The following SYT1 variants were observed in gnomAD, a reference collection of about 807,000 sequenced individuals.
SYT1 encodes synaptotagmin-1.
A neutral mutation model predicts 44.8 loss-of-function variants in SYT1; 8 were observed. That is an observed-to-expected ratio of 0.18 (90% confidence interval 0.10 to 0.32). SYT1 has a LOEUF of 0.32. SYT1 is among the 10% of genes least tolerant of loss of function. SYT1 has a pLI of 1.00. For missense variants in SYT1, 286 were observed against 509.3 expected (o/e 0.56, Z 4.22); for synonymous variants, 154 against 188.8 (o/e 0.82, Z 1.51).
chr12:79,188,528 A>G (rs760067513), intron 3 of SYT1, among the ~76,000 whole-genome samples: 2 of 152,054 alleles, frequency 1.3e-5, no homozygotes, highest in African/African-American at 4.8e-5. Flanking sequence ...TTGCATCCTC[A>G]TGGAGTTGGA....
rs1450628677 is a variant in SYT1, at chr12:79,353,399, T to C, written c.811-103T>C. ...CAATGGACCTACAATTTTCAAATTC[T>C]AATCAACATAATCCTCCTCTTGAAG... is the stretch of plus-strand genomic sequence containing the variant. On this transcript the variant is annotated intron_variant, in intron 8 of 10. Coordinates refer to ENST00000261205, the MANE Select transcript of SYT1 (RefSeq NM_005639.3). 5.6e-6 allele frequency: 5 copies of C among 895,504 alleles called. No homozygotes were observed. The East Asian group carries it at 1.0e-4, about 18-fold the overall frequency. 55.5% of individuals were successfully genotyped at this position (895,504 alleles called of 1,614,324 possible).
chr12:79,060,729 T>C (rs1207851615), intron 3 of SYT1, among the ~76,000 whole-genome samples: 1 of 152,144 alleles, frequency 6.6e-6, no homozygotes, highest in Non-Finnish European at 1.5e-5. Flanking sequence ...TATTGAGTAA[T>C]GGAGTTGTCC....
chr12:78,869,621 A>G (rs1873715877), intron 1 of SYT1, among the ~76,000 whole-genome samples: 1 of 152,022 alleles, frequency 6.6e-6, no homozygotes, highest in Non-Finnish European at 1.5e-5. Context: ...ATTTTAAAAA[A>G]GCAATATTTA....
chr12:79,168,440 T>A (rs1871333356), intron 3 of SYT1, among the ~76,000 whole-genome samples: 1 of 152,082 alleles, frequency 6.6e-6, no homozygotes, highest in Non-Finnish European at 1.5e-5. Flanking sequence ...AAGTGATAGT[T>A]TGATCTGGCA....
intron 8 of SYT1, among the ~76,000 whole-genome samples, chr12:79,308,637 AAAG>A (rs1565901592): frequency 6.6e-6 from 1 of 150,600 alleles, no homozygotes; most frequent in Non-Finnish European, 1.5e-5. Context: ...AGAAAGAAAG[AAAG>A]AAAGAAAGAA....
Position 79,191,841 on chromosome 12 carries a change from A to G in SYT1, c.-17-25662A>G, listed in dbSNP as rs149082542. 6.4e-4 allele frequency among the ~76,000 whole-genome samples: 98 copies of G among 152,212 alleles called. 1 individual carries two copies. The East Asian group carries it at 0.013, about 20-fold the overall frequency. The stretch of plus-strand genomic sequence containing the variant: ...ATATGGGACATATACCTGAATAACC[A>G]CAACTTAAGACACAAAATGGTGACG... On this transcript the variant is annotated intron_variant, in intron 3 of 10. Transcript: ENST00000261205.
intron 8 of SYT1, among the ~76,000 whole-genome samples, chr12:79,345,500 A>C (rs1882569262): frequency 6.6e-6 from 1 of 152,202 alleles, no homozygotes; most frequent in South Asian, 2.1e-4. Context: ...GAACGAATAT[A>C]AACCAATGAG....
At position 79,340,768 on chromosome 12, in the gene SYT1, C is replaced by T. The variant is rs75684701; in HGVS notation, c.811-12734C>T. Among the ~76,000 whole-genome samples, 694 of 152,204 alleles carry T rather than the reference C, an allele frequency of 4.6e-3. 4 individuals are homozygous for T. The highest frequency in any genetic ancestry group is 5.7e-3 in the Non-Finnish European group (391 of 68,004). On this transcript the variant is annotated intron_variant, in intron 8 of 10. Coordinates refer to ENST00000261205, the MANE Select transcript of SYT1 (RefSeq NM_005639.3). ...GTGTTTCATATTGTTTTAAAGGACC[C>T]ATAGAGATCTAAAGCTTTAGCTAAA...
chr12:78,915,071 T>C (rs1478212791), intron 1 of SYT1, among the ~76,000 whole-genome samples: 1 of 141,460 alleles, frequency 7.1e-6, no homozygotes, highest in Non-Finnish European at 1.5e-5. Flanking sequence ...CTATGAGCTA[T>C]TGAACGTTTT....
At chr12:79,094,836 T>C (rs1270741085) in intron 3 of SYT1, among the ~76,000 whole-genome samples, 1 of 151,928 alleles carries the variant, frequency 6.6e-6, no homozygotes, top group Non-Finnish European at 1.5e-5. Flanking sequence ...ATAATTCTCA[T>C]GACCTAAATT....
intron 1 of SYT1, among the ~76,000 whole-genome samples, chr12:78,940,009 T>G (rs1016324122): frequency 2.0e-5 from 3 of 152,178 alleles, no homozygotes; most frequent in Non-Finnish European, 4.4e-5. Context: ...TTCCTTTATT[T>G]AATAAGACTT....
intron 3 of SYT1, among the ~76,000 whole-genome samples, chr12:79,164,031 G>A (rs1871105077): frequency 6.6e-6 from 1 of 151,822 alleles, no homozygotes; most frequent in Admixed American, 6.6e-5. Flanking sequence ...ACAGATAATT[G>A]ACATACATAT....
chr12:78,947,522 T>A (rs1349765859), intron 1 of SYT1, among the ~76,000 whole-genome samples: 4 of 142,586 alleles, frequency 2.8e-5, no homozygotes, highest in South Asian at 2.2e-4. Context: ...TTGAATCTAG[T>A]AAAAAAAAAA....
At chr12:78,958,128 C>T (rs936434225) in intron 1 of SYT1, among the ~76,000 whole-genome samples, 1 of 151,948 alleles carries the variant, frequency 6.6e-6, no homozygotes, top group Non-Finnish European at 1.5e-5. Flanking sequence ...GATTTATCTC[C>T]CTTCTCCAAG....
chr12:79,224,349 A>G (rs1875357382), intron 4 of SYT1, among the ~76,000 whole-genome samples: 1 of 152,234 alleles, frequency 6.6e-6, no homozygotes, highest in Non-Finnish European at 1.5e-5. Flanking sequence ...ATATTAATAA[A>G]TGATGTAAGG....
chr12:79,284,937 T>G (rs1879235182), intron 4 of SYT1, among the ~76,000 whole-genome samples: 1 of 152,182 alleles, frequency 6.6e-6, no homozygotes, highest in South Asian at 2.1e-4. Context: ...CTTTCATCTT[T>G]AAGCCAGATG....
At chr12:79,021,900 C>A (rs1414552652) in intron 2 of SYT1, among the ~76,000 whole-genome samples, 2 of 151,196 alleles carry the variant, frequency 1.3e-5, no homozygotes, top group Non-Finnish European at 3.0e-5. Flanking sequence ...TGTACGCCCC[C>A]TTTTTTTTGA....
chr12:79,371,594 T>C (rs911720291), intron 9 of SYT1, among the ~76,000 whole-genome samples: 1 of 152,192 alleles, frequency 6.6e-6, no homozygotes, highest in African/African-American at 2.4e-5. Context: ...TTGTGTTCTA[T>C]TCAATGACTA....
At chr12:79,043,758 C>A (rs1391188604) in intron 2 of SYT1, among the ~76,000 whole-genome samples, 2 of 152,182 alleles carry the variant, frequency 1.3e-5, no homozygotes, top group East Asian at 1.9e-4. Context: ...TTTGCAGCGG[C>A]TGGTGCCAGT....
Sources: allele counts gnomAD v4.1 joint callset (sites outside exome capture counted in the v4.1 genomes callset), GRCh38; gene constraint gnomAD v4.1.1; transcripts MANE v1.5; gene names NCBI Gene and HGNC (gene_info 2026-07-23, HGNC 2026-07-21).